The following KIRREL3 variants were observed in gnomAD, a reference collection of about 807,000 sequenced individuals.
KIRREL3 encodes kirre like nephrin family adhesion molecule 3, also known as kin of IRRE-like protein 3.
KIRREL3 carries 36 observed loss-of-function variants against 89.7 expected under a neutral mutation model. The observed-to-expected ratio is 0.40, with a 90% CI of 0.31 to 0.53. The LOEUF (loss-of-function observed/expected upper bound fraction) is 0.53. Ranked by LOEUF, KIRREL3 falls within the 20% of genes least tolerant of loss-of-function variation. The pLI is 0.49. For synonymous variants in KIRREL3, 445 were observed against 441.4 expected (o/e 1.01, Z -0.10); for missense variants, 864 against 1,056.6 (o/e 0.82, Z 2.53).
chr11:126,462,048 GCCCCTGGAACA>G lies in KIRREL3; in HGVS notation c.742+1098_742+1108del, dbSNP rs1956564259. Among the ~76,000 whole-genome samples, 1 of 152,116 alleles carries G rather than the reference GCCCCTGGAACA, an allele frequency of 6.6e-6. No individual in the cohort carries two copies. The highest frequency in any genetic ancestry group is 2.4e-5 in the African/African-American group (1 of 41,412). The stretch of plus-strand genomic sequence containing the variant: ...GAACTAATCCAGTCTTGAGAGGAAG[GCCCCTGGAACA>G]CCTTGCTGAGCTCTTCTTGGTTCTG... On this transcript the variant is annotated intron_variant, in intron 6 of 16. Coordinates refer to ENST00000525144, the MANE Select transcript of KIRREL3 (RefSeq NM_032531.4). The surrounding 1 kb of genome is among the most constrained non-coding windows in gnomAD (Gnocchi z 4.8).
rs888345291 is a variant in KIRREL3, at chr11:126,940,109, C to T, written c.55+60346G>A. Among the ~76,000 whole-genome samples, 3 of 152,172 alleles carry T rather than the reference C, an allele frequency of 2.0e-5. No homozygotes were observed. Among genetic ancestry groups the T allele is most frequent in the African/African-American group, 7.2e-5 (3 of 41,430 alleles). ...CATTGAACAGATCATCAAATGCCCA[C>T]TCCCCCAAGAAAAGAAGCAGTTTGG... On this transcript the variant is annotated intron_variant, in intron 1 of 16. Coordinates refer to ENST00000525144, the MANE Select transcript of KIRREL3 (RefSeq NM_032531.4). The surrounding 1 kb of genome is among the most constrained non-coding windows in gnomAD (Gnocchi z 4.6).
rs540616961 is a variant in KIRREL3, at chr11:126,550,365, G to C, written c.133+12470C>G. Reference sequence around the variant, plus strand: ...TCCTACTCCTAAGCCACAGGGTTACGTTAAGAATATTAGTCGCACGCCTGT... The same window carrying C: ...TCCTACTCCTAAGCCACAGGGTTACCTTAAGAATATTAGTCGCACGCCTGT... On this transcript the variant is annotated intron_variant, in intron 2 of 16. Transcript: ENST00000525144. The surrounding 1 kb of genome is among the most constrained non-coding windows in gnomAD (Gnocchi z 4.9). 1 of 152,238 alleles carries C rather than the reference G, an allele frequency of 6.6e-6. No individual in the cohort carries two copies. Among genetic ancestry groups the C allele is most frequent in the African/African-American group, 2.4e-5 (1 of 41,452 alleles). The allele number at this position is 152,238 out of a possible 1,614,324, so 9.4% of individuals were successfully genotyped here. A position where few individuals can be genotyped will look rare whatever the true frequency, so the allele number is the denominator to read the frequency against.
rs1274235685 is a variant in KIRREL3 at position 126,897,008 on chromosome 11, A to T, written c.55+103447T>A. On this transcript the variant is annotated intron_variant, in intron 1 of 16. Transcript: ENST00000525144. The surrounding 1 kb of genome is among the most constrained non-coding windows in gnomAD (Gnocchi z 4.2). ...GAAGAGGCCAGGGAAAGAGCAGACCATCCAAGTACCAAAAATCCCTAGTAG... is the reference window on the plus strand; with the variant it reads ...GAAGAGGCCAGGGAAAGAGCAGACCTTCCAAGTACCAAAAATCCCTAGTAG... 6.6e-6 allele frequency among the ~76,000 whole-genome samples: 1 copy of T among 152,008 alleles called. No homozygotes were observed. Among genetic ancestry groups the T allele is most frequent in the Admixed American group, 6.5e-5 (1 of 15,268 alleles).
At position 126,510,421 on chromosome 11, in the gene KIRREL3, TTTCCTTCCTTCCTTCC is replaced by T. The variant is rs202158249; in HGVS notation, c.433+10878_433+10893del. On this transcript the variant is annotated intron_variant, in intron 4 of 16. Transcript: ENST00000525144. ...ATAAGAAATGTCCTCCCTGACGTTG[TTTCCTTCCTTCCTTCC>T]TTCCTTCCTTCCTTCCTTCCTTCCT... is the stretch of plus-strand genomic sequence containing the variant. Among the ~76,000 whole-genome samples, 297 of 126,416 alleles carry T rather than the reference TTTCCTTCCTTCCTTCC, an allele frequency of 2.3e-3. 1 individual carries two copies. The highest frequency in any genetic ancestry group is 3.2e-3 in the Non-Finnish European group (204 of 62,904). 82.9% of individuals were successfully genotyped at this position (126,416 alleles called of 152,430 possible).
At chr11:126,692,778 T>C (rs1459393833) in intron 1 of KIRREL3, among the ~76,000 whole-genome samples, 1 of 151,954 alleles carries the variant, frequency 6.6e-6, no homozygotes, top group Non-Finnish European at 1.5e-5. Context: ...TCTATGAGGG[T>C]CTAACATGGT....
At chr11:126,465,783 C>A (rs541958623) in intron 5 of KIRREL3, among the ~76,000 whole-genome samples, 1 of 152,154 alleles carries the variant, frequency 6.6e-6, no homozygotes, top group East Asian at 1.9e-4. Flanking sequence ...GAACCCCAAG[C>A]CAAAGCCCGG....
intron 1 of KIRREL3, among the ~76,000 whole-genome samples, chr11:126,851,761 C>G (rs763486109): frequency 1.6e-4 from 25 of 152,328 alleles, no homozygotes; most frequent in South Asian, 6.2e-4. Context: ...GGCAGGGAGG[C>G]AAGCTCTTTA....
At position 126,764,884 on chromosome 11, in the gene KIRREL3, C is replaced by G. The variant is rs1949773576; in HGVS notation, c.56-201972G>C. On this transcript the variant is annotated intron_variant, in intron 1 of 16. Coordinates refer to ENST00000525144, the MANE Select transcript of KIRREL3 (RefSeq NM_032531.4). This position sits in a 1 kb window ranked among gnomAD's most constrained non-coding sequence, Gnocchi z 4.2. ...GTCCTCTACTCTCGGCCTGGATCCT[C>G]TTCAATGAACCACCTATGTGTCACT... Among the ~76,000 whole-genome samples the G allele has an allele frequency of 6.6e-6, 1 of 152,218 alleles. No homozygotes were observed. The highest frequency in any genetic ancestry group is 1.5e-5 in the Non-Finnish European group (1 of 68,042).
At position 126,520,815 on chromosome 11, in the gene KIRREL3, G is replaced by A. The variant is rs947255583; in HGVS notation, c.433+500C>T. Among the ~76,000 whole-genome samples, 4 of 152,156 alleles carry A rather than the reference G, an allele frequency of 2.6e-5. No homozygotes were observed. The highest frequency in any genetic ancestry group is 9.7e-5 in the African/African-American group (4 of 41,428). ...GGATTCCCAGGGAGCAATGAGGGGT[G>A]GAGAAGTCACGGGGGTCACTGGTGT... On this transcript the variant is annotated intron_variant, in intron 4 of 16. Coordinates refer to ENST00000525144, the MANE Select transcript of KIRREL3 (RefSeq NM_032531.4). The surrounding 1 kb of genome is among the most constrained non-coding windows in gnomAD (Gnocchi z 4.9).
chr11:126,481,709 C>T (rs1349054845), intron 4 of KIRREL3, among the ~76,000 whole-genome samples: 2 of 152,240 alleles, frequency 1.3e-5, no homozygotes, highest in African/African-American at 2.4e-5. Context: ...GATCAGCCAT[C>T]ATCCTTTTGT....
chr11:126,442,742 C>T (rs1955629751), intron 10 of KIRREL3, among the ~76,000 whole-genome samples: 1 of 152,276 alleles, frequency 6.6e-6, no homozygotes, highest in African/African-American at 2.4e-5. Context: ...CAGTTCGCCC[C>T]CTGGCAGGTC....
At chr11:126,790,080 T>C (rs1381598166) in intron 1 of KIRREL3, among the ~76,000 whole-genome samples, 1 of 152,200 alleles carries the variant, frequency 6.6e-6, no homozygotes, top group Non-Finnish European at 1.5e-5. Flanking sequence ...AACCTCTGTC[T>C]ACTTAGTTGC....
At chr11:126,717,766 G>A (rs1948023115) in intron 1 of KIRREL3, among the ~76,000 whole-genome samples, 1 of 152,200 alleles carries the variant, frequency 6.6e-6, no homozygotes, top group South Asian at 2.1e-4. Context: ...TTTCTGCCGA[G>A]CCTCAGCATC....
chr11:126,491,946 C>T lies in KIRREL3; in HGVS notation c.434-18480G>A, dbSNP rs1324513434. Among the ~76,000 whole-genome samples, 1 of 152,140 alleles carries T rather than the reference C, an allele frequency of 6.6e-6. No homozygotes were observed. Among genetic ancestry groups the T allele is most frequent in the Non-Finnish European group, 1.5e-5 (1 of 68,042 alleles). ...CGAACTCCAGACCTCAAGTGATCCT[C>T]CCGCATCAGCTTCCCAAAGTGCTAG... On this transcript the variant is annotated intron_variant, in intron 4 of 16. Coordinates refer to ENST00000525144, the MANE Select transcript of KIRREL3 (RefSeq NM_032531.4). This position sits in a 1 kb window ranked among gnomAD's most constrained non-coding sequence, Gnocchi z 5.5.
chr11:126,988,868 A>G (rs1949946118), intron 1 of KIRREL3, among the ~76,000 whole-genome samples: 1 of 152,212 alleles, frequency 6.6e-6, no homozygotes, highest in African/African-American at 2.4e-5. Context: ...GGGGTAGAGA[A>G]ACATGCTGAG....
intron 4 of KIRREL3, among the ~76,000 whole-genome samples, chr11:126,514,699 A>G (rs1262859268): frequency 6.6e-6 from 1 of 152,238 alleles, no homozygotes; most frequent in Non-Finnish European, 1.5e-5. Flanking sequence ...AGAAACAGGC[A>G]CAGAGTGGTT....
chr11:126,584,319 G>A (rs2134678620), intron 1 of KIRREL3, among the ~76,000 whole-genome samples: 1 of 152,298 alleles, frequency 6.6e-6, no homozygotes, highest in East Asian at 1.9e-4. Flanking sequence ...ATCCTATACA[G>A]CTTATTCCAA....
At position 126,970,466 on chromosome 11, in the gene KIRREL3, A is replaced by G. The variant is rs1949399766; in HGVS notation, c.55+29989T>C. ...GTGTAGCGACATTAGACAAAAAGTA[A>G]CCAGTACCATCAATCTTTAAAACCC... is the stretch of plus-strand genomic sequence containing the variant. On this transcript the variant is annotated intron_variant, in intron 1 of 16. Transcript: ENST00000525144. This position sits in a 1 kb window ranked among gnomAD's most constrained non-coding sequence, Gnocchi z 4.4. Among the ~76,000 whole-genome samples the G allele has an allele frequency of 6.6e-6, 1 of 152,200 alleles. No homozygotes were observed. The highest frequency in any genetic ancestry group is 1.5e-5 in the Non-Finnish European group (1 of 68,042).
rs1948273381 is a variant in KIRREL3 at position 126,723,843 on chromosome 11, CAAAATACTCAAAATACTT to C, written c.56-160949_56-160932del. Among the ~76,000 whole-genome samples the C allele has an allele frequency of 6.6e-6, 1 of 152,154 alleles. No homozygotes were observed. The highest frequency in any genetic ancestry group is 2.1e-4 in the South Asian group (1 of 4,826). ...ACTTTGGAAAAAGTCCAACGAGCAA[CAAAATACTCAAAATACTT>C]TAAATGAAGGTAAAAACCATCATTG... On this transcript the variant is annotated intron_variant, in intron 1 of 16. Transcript: ENST00000525144. The surrounding 1 kb of genome is among the most constrained non-coding windows in gnomAD (Gnocchi z 4.0).
Sources: gnomAD v4.1 joint callset for allele counts (sites outside exome capture counted in the v4.1 genomes callset) on GRCh38, gnomAD v4.1.1 for gene constraint, Gnocchi (gnomAD v3.1) non-coding constraint, MANE v1.5 for transcripts, NCBI Gene and HGNC (gene_info 2026-07-23, HGNC 2026-07-21) for gene names.